The following PSME4 variants were observed in gnomAD, a reference collection of about 807,000 sequenced individuals.
PSME4 encodes the protein proteasome activator complex subunit 4.
In PSME4, 89 loss-of-function variants were observed where a neutral mutation model predicts 253.9. The ratio of observed to expected loss-of-function variants is 0.35; its 90% CI spans 0.30 to 0.42. The LOEUF is 0.42. Among genes scored for constraint, PSME4 ranks in the 10% least tolerant of loss-of-function variants. The pLI is 1.00. For synonymous variants in PSME4, 851 were observed against 759.2 expected (o/e 1.12, Z -1.99); for missense variants, 2,014 against 2,195.2 (o/e 0.92, Z 1.65).
At chr2:53,887,179 A>T (rs1679679498) in intron 40 of PSME4, 80 bp downstream of exon 40, 1 of 1,274,434 alleles carries the variant, frequency 7.8e-7, no homozygotes, top group Non-Finnish European at 1.1e-6. Context: ...TTACCACAAT[A>T]AAAAAAGTGG....
chr2:53,937,428 T>C lies in PSME4; in HGVS notation c.658A>G (p.Thr220Ala). 1 of 1,607,520 alleles carries C rather than the reference T, an allele frequency of 6.2e-7. No homozygotes were observed. Among genetic ancestry groups the C allele is most frequent in the Non-Finnish European group, 8.5e-7 (1 of 1,176,308 alleles). Residue 220 changes from threonine to alanine, a missense_variant, in exon 5 of 47, where the codon ACC (threonine) becomes GCC (alanine). Transcript: ENST00000404125. The stretch of plus-strand genomic sequence containing the variant: ...TGATGAAGTTCTGGAGGAAGGGAGG[T>C]AGGAAGAAATATTTCAAAATAAGTG... ...AITYFEIFLP[T>A]SLPPELHHKG... is the part of the protein sequence containing the mutation.
Position 53,895,661 on chromosome 2 carries a change from G to A in PSME4, c.3764C>T (p.Thr1255Ile). ...CCATTCTTTTTTAGTTCTTGGTATA[G>A]TTTTGCTGTCATAATGCAACCAATG... The part of the protein sequence containing the change: ...DNHWLHYDSK[T>I]IPRTKKEWES... Residue 1255 changes from threonine to isoleucine, a missense_variant, in exon 33 of 47, where the codon ACT becomes ATT. By Grantham distance (89) the Thr-to-Ile change is moderately conservative. Around this residue, in one of 4 missense-constraint regions of PSME4, gnomAD observed 989 missense variants for 1,021.1 expected, o/e 0.97. Transcript: ENST00000404125. The A allele has an allele frequency of 6.2e-7, 1 of 1,613,510 alleles. No individual in the cohort carries two copies. Among genetic ancestry groups the A allele is most frequent in the Non-Finnish European group, 8.5e-7 (1 of 1,179,722 alleles).
rs1325229089 is a variant in PSME4 at position 53,900,024 on chromosome 2, A to T, written c.3286-7T>A. 1 of 1,607,638 alleles carries T rather than the reference A, an allele frequency of 6.2e-7. No homozygotes were observed. On this transcript the variant is annotated splice_region_variant and splice_polypyrimidine_tract_variant and intron_variant, in intron 28 of 46. Coordinates refer to ENST00000404125, the MANE Select transcript of PSME4 (RefSeq NM_014614.3). The stretch of plus-strand genomic sequence containing the variant: ...CAACACATGACTTTGGAATCTTGTT[A>T]AAAAGAAAAAAGCAGGAAAAAAAAT...
At chr2:53,880,291 C>G in intron 41 of PSME4, among the ~76,000 whole-genome samples, 1 of 152,012 alleles carries the variant, frequency 6.6e-6, no homozygotes, top group East Asian at 1.9e-4. Context: ...GACCCCATCT[C>G]TACAAAAAAT....
intron 20 of PSME4, among the ~76,000 whole-genome samples, chr2:53,911,725 T>C (rs955337452): frequency 2.6e-5 from 4 of 152,186 alleles, no homozygotes; most frequent in African/African-American, 9.7e-5. Context: ...GCAGTCTGTA[T>C]CTAATGCCAT....
intron 31 of PSME4, among the ~76,000 whole-genome samples, chr2:53,897,100 C>A (rs1224428436): frequency 6.6e-6 from 1 of 151,918 alleles, no homozygotes; most frequent in Non-Finnish European, 1.5e-5. Context: ...AGTCTCTCTG[C>A]CTAGAAAACT....
In PSME4 at chr2:53,869,449, T is replaced by G. The variant is rs1472235063; in HGVS notation, c.5190A>C (p.Gln1730His). The G allele has an allele frequency of 6.2e-7, 1 of 1,610,612 alleles. No homozygotes were observed. The highest frequency in any genetic ancestry group is 2.2e-5 in the East Asian group (1 of 44,862). Residue 1730 changes from glutamine (Q) to histidine (H), a missense_variant, in exon 44 of 47, where the codon CAA becomes CAC. By Grantham distance (24) the Gln-to-His change is conservative. Transcript: ENST00000404125. ...TCTTAGGTAGTTTTGTTTTGCAAAG[T>G]TGCTCAAAATGAATCTGCATAGGAC... Reference protein sequence around the residue: ...MDSPMQIHFEQLCKTKLPKKR... With the variant: ...MDSPMQIHFEHLCKTKLPKKR...
chr2:53,958,510 C>T (rs13401719), intron 1 of PSME4, among the ~76,000 whole-genome samples: 19,175 of 152,016 alleles, frequency 0.13, 2,056 homozygotes, highest in African/African-American at 0.3. Context: ...CCAAGAGAAA[C>T]CAAATCCATT....
intron 4 of PSME4, among the ~76,000 whole-genome samples, chr2:53,939,117 A>G (rs1011357787): frequency 7.2e-5 from 11 of 152,216 alleles, no homozygotes; most frequent in African/African-American, 2.4e-4. Flanking sequence ...CTCAGGGTGA[A>G]CCTTAAGTTG....
intron 46 of PSME4, 28 bp downstream of exon 46, chr2:53,866,057 A>C (rs768620716): frequency 6.3e-7 from 1 of 1,576,238 alleles, no homozygotes; most frequent in South Asian, 1.1e-5. Flanking sequence ...CACCAAACCA[A>C]TGTAAATTCA....
At chr2:53,914,569 G>C (rs559916527) in intron 20 of PSME4, among the ~76,000 whole-genome samples, 2 of 152,262 alleles carry the variant, frequency 1.3e-5, no homozygotes, top group South Asian at 4.1e-4. Context: ...CTTTGAAACT[G>C]TAAAGTTTAT....
intron 1 of PSME4, among the ~76,000 whole-genome samples, chr2:53,964,309 C>A (rs986683408): frequency 6.6e-6 from 1 of 152,108 alleles, no homozygotes; most frequent in African/African-American, 2.4e-5. Context: ...TTGCTGTGAA[C>A]CTAAAATTGC....
At chr2:53,942,081 T>G (rs1159927341) in intron 3 of PSME4, 1 of 152,590 alleles carries the variant, frequency 6.6e-6, no homozygotes, top group Non-Finnish European at 1.5e-5. Context: ...TAAAGTCAAT[T>G]TCAACCCCTT....
intron 40 of PSME4, 33 bp from the exon 41 acceptor site, chr2:53,885,808 T>C: frequency 6.7e-7 from 1 of 1,499,684 alleles, no homozygotes; most frequent in Non-Finnish European, 9.3e-7. Context: ...GAGTAAGTCT[T>C]TGCCATTCAT....
chr2:53,912,561 G>T (rs1243885071), intron 20 of PSME4, among the ~76,000 whole-genome samples: 1 of 152,128 alleles, frequency 6.6e-6, no homozygotes, highest in Non-Finnish European at 1.5e-5. Context: ...TGGCTCAAGT[G>T]GACTCACATA....
chr2:53,955,583 C>G (rs1263881691), intron 1 of PSME4, among the ~76,000 whole-genome samples: 1 of 151,936 alleles, frequency 6.6e-6, no homozygotes, highest in Non-Finnish European at 1.5e-5. Context: ...AGGCTCAAAA[C>G]AAATATATAT....
At chr2:53,928,636 A>C (rs1173487841) in intron 10 of PSME4, among the ~76,000 whole-genome samples, 4 of 152,184 alleles carry the variant, frequency 2.6e-5, no homozygotes, top group Non-Finnish European at 5.9e-5. Context: ...TAATTCATGA[A>C]TTAAACTATC....
At chr2:53,920,485 A>G in intron 18 of PSME4, 135 bp from the exon 19 acceptor site, 3 of 898,072 alleles carry the variant, frequency 3.3e-6, no homozygotes, top group Non-Finnish European at 4.8e-6. Flanking sequence ...CAAATGATAT[A>G]CAAAAAAGTA....
At chr2:53,898,122 A>T (rs1680226149) in intron 30 of PSME4, 123 bp from the exon 31 acceptor site, 10 of 1,206,646 alleles carry the variant, frequency 8.3e-6, no homozygotes, top group Middle Eastern at 2.2e-4. Flanking sequence ...AGTGAAGAAT[A>T]CTGCTCCTAT....
Sources: gnomAD v4.1 joint callset for allele counts (sites outside exome capture counted in the v4.1 genomes callset) on GRCh38, gnomAD v4.1.1 for gene constraint, gnomAD v4.1.1 regional missense constraint, MANE v1.5 for transcripts, NCBI Gene and HGNC (gene_info 2026-07-23, HGNC 2026-07-21) for gene names.